Variants in IL37 observed in about 807,000 individuals in gnomAD.
IL37 encodes interleukin 37.
Under a neutral mutation model 15.4 loss-of-function variants are expected in IL37, and 15 were observed. That is an observed-to-expected ratio of 0.98 (90% CI 0.65 to 1.50). The LOEUF is 1.50. IL37 is among the 40% of genes most tolerant of loss of function. The probability of loss-of-function intolerance (pLI) is 0.00; values close to 1 mark genes in which losing one functional copy is unlikely to be tolerated. For missense variants in IL37, 269 were observed against 261.7 expected, an observed-to-expected ratio of 1.03 and a Z score of -0.19; for synonymous variants, 98 against 97.4, an observed-to-expected ratio of 1.01 and a Z score of -0.03.
intron 1 of IL37, among the ~76,000 whole-genome samples, chr2:112,911,681 G>T (rs1214133013): frequency 2.0e-5 from 3 of 152,244 alleles, no homozygotes; most frequent in East Asian, 1.9e-4. Flanking sequence ...ACAGGCAGCA[G>T]ATTTCATGAG....
intron 4 of IL37, among the ~76,000 whole-genome samples, 176 bp from the exon 5 acceptor site, chr2:112,917,456 AAAG>A (rs141505123): frequency 1.2e-4 from 18 of 152,296 alleles, no homozygotes; most frequent in Middle Eastern, 6.8e-3. Context: ...GGCTGGAGAA[AAAG>A]AAGGAGGCAG....
At position 112,917,232 on chromosome 2, in the gene IL37, A is replaced by C. The variant is rs1683334868; in HGVS notation, c.249A>C (p.Lys83Asn). The C allele has an allele frequency of 6.2e-7, 1 of 1,613,936 alleles. No homozygotes were observed. Among genetic ancestry groups the C allele is most frequent in the Non-Finnish European group, 8.5e-7 (1 of 1,179,968 alleles). The stretch of plus-strand genomic sequence containing the variant: ...GGAATCTCATAGCAGTTCCAGATAA[A>C]AACTACATACGCCCAGGTGACTCTC... ...DSGNLIAVPD[K>N]NYIRPEIFFA... Residue 83 changes from lysine to asparagine, a missense_variant, in exon 4 of 6, where the codon AAA becomes AAC. Physicochemically the swap from Lys to Asn is moderately conservative, Grantham distance 94. Transcript: ENST00000263326.
intron 3 of IL37, among the ~76,000 whole-genome samples, chr2:112,914,454 C>T (rs1387853005): frequency 1.3e-5 from 2 of 152,200 alleles, no homozygotes; most frequent in African/African-American, 4.8e-5. Flanking sequence ...CTCCCATCAC[C>T]TCCTCTTCTC....
intron 1 of IL37, among the ~76,000 whole-genome samples, chr2:112,912,558 C>T (rs748675212): frequency 3.9e-5 from 6 of 152,054 alleles, no homozygotes; most frequent in Non-Finnish European, 8.8e-5. Flanking sequence ...ATTGTAGCCT[C>T]GAAGCAGCCA....
At chr2:112,912,925 A>G in intron 1 of IL37, 38 bp from the exon 2 acceptor site, 5 of 923,540 alleles carry the variant, frequency 5.4e-6, no homozygotes, top group Non-Finnish European at 8.4e-6. Flanking sequence ...TCCTGGGGTG[A>G]GAAGATGCCA....
At chr2:112,913,220 C>A in intron 2 of IL37, 126 bp downstream of exon 2, 1 of 557,268 alleles carries the variant, frequency 1.8e-6, no homozygotes, top group Non-Finnish European at 3.0e-6. Flanking sequence ...TTTCAAATTT[C>A]CCTGGACAAA....
At chr2:112,916,906 A>G (rs1414567634) in intron 3 of IL37, among the ~76,000 whole-genome samples, 1 of 152,206 alleles carries the variant, frequency 6.6e-6, no homozygotes, top group Non-Finnish European at 1.5e-5. Flanking sequence ...TGGGATTTGA[A>G]TCTATCTGTC....
Position 112,918,312 on chromosome 2 carries a change from CGTCT to C in IL37, c.409-248_409-245del, listed in dbSNP as rs1168795716. Among the ~76,000 whole-genome samples the C allele has an allele frequency of 4.8e-5, 3 of 62,078 alleles. No homozygotes were observed. The Admixed American group carries it at 7.1e-4, about 15-fold the overall frequency. 40.7% of individuals were successfully genotyped at this position (62,078 alleles called of 152,430 possible). A position where few individuals can be genotyped will look rare whatever the true frequency, so the allele number is the denominator to read the frequency against. On this transcript the variant is annotated intron_variant, in intron 5 of 5. Coordinates refer to ENST00000263326, the MANE Select transcript of IL37 (RefSeq NM_014439.4). ...GATTTTGGTATCCATCTGACTCTTA[CGTCT>C]CTCTCTCTCTCTCTCTCTCAGTTTA... is the stretch of plus-strand genomic sequence containing the variant.
In IL37 at chr2:112,917,187, A is replaced by G; in HGVS notation, c.204A>G (p.Lys68=). The G allele has an allele frequency of 6.2e-7, 1 of 1,613,750 alleles. No individual in the cohort carries two copies. The highest frequency in any genetic ancestry group is 8.5e-7 in the Non-Finnish European group (1 of 1,179,586). ...TCAGCATTCATGACCAGGATCACAA[A>G]GTACTGGTCCTGGACTCTGGGAATC... ...KKFSIHDQDH[K]VLVLDSGNLI... The change falls in exon 4 of 6, where the codon AAA becomes AAG. Residue 68 remains lysine (K), a synonymous_variant. Transcript: ENST00000263326.
chr2:112,917,620 ACTGT>A lies in IL37; in HGVS notation c.266-12_266-9del, dbSNP rs1683346018. The stretch of plus-strand genomic sequence containing the variant: ...GCTCTCAGAACCCACACATGTTCTG[ACTGT>A]CTTTTTCCAGAGATCTTCTTTGCAT... On this transcript the variant is annotated splice_polypyrimidine_tract_variant and intron_variant, in intron 4 of 5. Transcript: ENST00000263326. 6.4e-7 allele frequency: 1 copy of A among 1,552,288 alleles called. No homozygotes were observed. The highest frequency in any genetic ancestry group is 2.0e-5 in the Admixed American group (1 of 50,990).
chr2:112,916,257 C>T (rs1191197508), intron 3 of IL37, among the ~76,000 whole-genome samples: 1 of 152,218 alleles, frequency 6.6e-6, no homozygotes, highest in East Asian at 1.9e-4. Context: ...CCCACCCATT[C>T]TTGACAGTCA....
chr2:112,912,639 G>T (rs758862974), intron 1 of IL37, among the ~76,000 whole-genome samples: 1 of 152,222 alleles, frequency 6.6e-6, no homozygotes, highest in Non-Finnish European at 1.5e-5. Flanking sequence ...TCAGGGACCG[G>T]ATTTGGCCAA....
At chr2:112,916,624 C>G (rs913506862) in intron 3 of IL37, among the ~76,000 whole-genome samples, 3 of 152,192 alleles carry the variant, frequency 2.0e-5, no homozygotes, top group Non-Finnish European at 1.5e-5. Context: ...CTGGCCAGTG[C>G]AGGGATCTGT....
At chr2:112,916,345 A>T (rs1425589279) in intron 3 of IL37, among the ~76,000 whole-genome samples, 1 of 152,124 alleles carries the variant, frequency 6.6e-6, no homozygotes, top group African/African-American at 2.4e-5. Context: ...CACCTGTCCA[A>T]TCAGAGGCCA....
chr2:112,913,196 C>T, intron 2 of IL37, 102 bp downstream of exon 2: 1 of 678,942 alleles, frequency 1.5e-6, no homozygotes, highest in Non-Finnish European at 2.4e-6. Context: ...TGCTGACTTG[C>T]ACAGTAAGTG....
At chr2:112,912,054 A>T (rs1012899606) in intron 1 of IL37, among the ~76,000 whole-genome samples, 1 of 152,134 alleles carries the variant, frequency 6.6e-6, no homozygotes, top group African/African-American at 2.4e-5. Context: ...TATTTTTTGC[A>T]TGAACAATTT....
chr2:112,918,057 C>T (rs371593624), intron 5 of IL37, among the ~76,000 whole-genome samples: 1 of 152,174 alleles, frequency 6.6e-6, no homozygotes, highest in Non-Finnish European at 1.5e-5. Context: ...GGGCGGGTGG[C>T]GGTCCCCTCC....
intron 5 of IL37, among the ~76,000 whole-genome samples, chr2:112,918,313 G>GTCTCTCTC (rs113652399): frequency 7.4e-5 from 11 of 148,390 alleles, no homozygotes; most frequent in African/African-American, 2.7e-4. Context: ...TGACTCTTAC[G>GTCTCTCTC]TCTCTCTCTC....
chr2:112,917,185 A>G lies in IL37; in HGVS notation c.202A>G (p.Lys68Glu), dbSNP rs1176802375. Residue 68 changes from lysine to glutamate, a missense_variant, in exon 4 of 6, where the codon AAA (lysine) becomes GAA (glutamate). Physicochemically the swap from Lys to Glu is moderately conservative, Grantham distance 56 (BLOSUM62 1). Coordinates refer to ENST00000263326, the MANE Select transcript of IL37 (RefSeq NM_014439.4). ...ATTCAGCATTCATGACCAGGATCAC[A>G]AAGTACTGGTCCTGGACTCTGGGAA... is the stretch of plus-strand genomic sequence containing the variant. The part of the protein sequence containing the change: ...KKFSIHDQDH[K>E]VLVLDSGNLI... 3.1e-6 allele frequency: 5 copies of G among 1,613,764 alleles called. No individual in the cohort carries two copies. The South Asian group carries it at 5.5e-5, about 18-fold the overall frequency.
Sources: gnomAD v4.1 joint callset for allele counts (sites outside exome capture counted in the v4.1 genomes callset) on GRCh38, gnomAD v4.1.1 for gene constraint, MANE v1.5 for transcripts, NCBI Gene and HGNC (gene_info 2026-07-23, HGNC 2026-07-21) for gene names.